The following HIP1 variants were observed in gnomAD, a reference collection of about 807,000 sequenced individuals.
HIP1 encodes huntingtin interacting protein 1, also known as huntingtin-interacting protein 1.
In HIP1, 65 loss-of-function variants were observed where a neutral mutation model predicts 147.6. The ratio of observed to expected loss-of-function variants is 0.44; its 90% CI spans 0.36 to 0.54. The LOEUF is 0.54. HIP1 is among the 20% of genes least tolerant of loss of function. The pLI is 0.00. For missense variants in HIP1, 1,061 were observed against 1,299.6 expected (o/e 0.82, Z 2.82); for synonymous variants, 479 against 504.0 (o/e 0.95, Z 0.67).
chr7:75,647,209 T>TAAA (rs1661451251), intron 1 of HIP1, among the ~76,000 whole-genome samples: 1 of 11,758 alleles, frequency 8.5e-5, no homozygotes, highest in Non-Finnish European at 1.5e-4. Flanking sequence ...CTACTAAAAA[T>TAAA]ACAAAAAAAA....
intron 9 of HIP1, among the ~76,000 whole-genome samples, chr7:75,567,156 G>T (rs1584807069): frequency 6.7e-6 from 1 of 149,156 alleles, no homozygotes; most frequent in African/African-American, 2.5e-5. Flanking sequence ...AATGGAGAGA[G>T]AAAGGTTTTT....
intron 1 of HIP1, among the ~76,000 whole-genome samples, chr7:75,669,294 A>G (rs1554515005): frequency 6.6e-6 from 1 of 152,116 alleles, no homozygotes; most frequent in East Asian, 1.9e-4. Flanking sequence ...AATGGTGTGA[A>G]CCCGGGAGGT....
intron 1 of HIP1, among the ~76,000 whole-genome samples, chr7:75,647,269 G>A (rs181139066): frequency 1.4e-5 from 2 of 142,692 alleles, no homozygotes; most frequent in Non-Finnish European, 3.0e-5. Context: ...ATGGTGGCAT[G>A]CGCCTGTAAT....
At chr7:75,646,857 G>C (rs927973502) in intron 1 of HIP1, among the ~76,000 whole-genome samples, 7 of 152,150 alleles carry the variant, frequency 4.6e-5, no homozygotes, top group African/African-American at 7.2e-5. Flanking sequence ...GTGCCACTTA[G>C]AGCCAGGAAA....
chr7:75,533,759 A>C lies in HIP1; in HGVS notation c.*4413T>G, dbSNP rs1351133678. ...TTTCCTGTTGCTTTGGCTCCTGACAACACCACGGTGTGGTGCTGATCTTGT... is the reference window on the plus strand; with the variant it reads ...TTTCCTGTTGCTTTGGCTCCTGACACCACCACGGTGTGGTGCTGATCTTGT... On this transcript the variant is annotated 3_prime_UTR_variant, in exon 31 of 31. Transcript: ENST00000336926. 4 of 232,754 alleles carry C rather than the reference A, an allele frequency of 1.7e-5. No homozygotes were observed. The highest frequency in any genetic ancestry group is 3.4e-5 in the Non-Finnish European group (4 of 117,824). The allele number at this position is 232,754 out of a possible 1,614,324, so 14.4% of individuals were successfully genotyped here. A position where few individuals can be genotyped will look rare whatever the true frequency, so the allele number is the denominator to read the frequency against.
chr7:75,714,279 A>T (rs1188603493), intron 1 of HIP1, among the ~76,000 whole-genome samples: 10 of 150,474 alleles, frequency 6.6e-5, no homozygotes, highest in Non-Finnish European at 7.4e-5. Context: ...GCCTCAGGTG[A>T]TCCTCCCACC....
chr7:75,646,259 G>A (rs1798799228), intron 1 of HIP1, among the ~76,000 whole-genome samples: 1 of 152,142 alleles, frequency 6.6e-6, no homozygotes, highest in Non-Finnish European at 1.5e-5. Flanking sequence ...TTGTGTGTGT[G>A]TATTTTTAGT....
chr7:75,560,039 G>A (rs899689214), intron 13 of HIP1, 124 bp from the exon 14 acceptor site: 7 of 942,932 alleles, frequency 7.4e-6, no homozygotes, highest in Middle Eastern at 6.7e-4. Flanking sequence ...AACTCTCCAC[G>A]TCCCAGGAGG....
At chr7:75,606,948 A>G (rs1797245969) in intron 1 of HIP1, among the ~76,000 whole-genome samples, 1 of 152,060 alleles carries the variant, frequency 6.6e-6, no homozygotes, top group South Asian at 2.1e-4. Flanking sequence ...GGCTAAGTAA[A>G]CCTGGGTGGG....
chr7:75,534,171 AT>A lies in HIP1; in HGVS notation c.*4000del, dbSNP rs1554488123. 3 of 228,698 alleles carry A rather than the reference AT, an allele frequency of 1.3e-5. No homozygotes were observed. In the East Asian group the frequency reaches 1.9e-4, roughly 14 times the overall value. 14.2% of individuals were successfully genotyped at this position (228,698 alleles called of 1,614,324 possible). A position where few individuals can be genotyped will look rare whatever the true frequency, so the allele number is the denominator to read the frequency against. On this transcript the variant is annotated 3_prime_UTR_variant, in exon 31 of 31. Transcript: ENST00000336926. ...AGCCAACTAATCTGACCGGAGCGAC[AT>A]GTACCTGTGATTCCCGTGTTACCTG...
chr7:75,537,984 G>A lies in HIP1; in HGVS notation c.*188C>T, dbSNP rs1667654694. 3.2e-6 allele frequency: 2 copies of A among 633,928 alleles called. No individual in the cohort carries two copies. The highest frequency in any genetic ancestry group is 1.8e-5 in the South Asian group (1 of 54,586). The allele number at this position is 633,928 out of a possible 1,614,324, so 39.3% of individuals were successfully genotyped here. On this transcript the variant is annotated 3_prime_UTR_variant, in exon 31 of 31. Transcript: ENST00000336926. ...GCGGGAAAAGAACAGAGATGACCAT[G>A]GGTCCAAACAGAAAGGGTGTCGCTA...
chr7:75,623,213 A>C (rs1797916276), intron 1 of HIP1, among the ~76,000 whole-genome samples: 2 of 88,590 alleles, frequency 2.3e-5, no homozygotes, highest in Non-Finnish European at 3.0e-5. Flanking sequence ...AAAAAAGCAA[A>C]AAAAAAAAAA....
chr7:75,656,077 C>T (rs1799131508), intron 1 of HIP1, among the ~76,000 whole-genome samples: 1 of 151,960 alleles, frequency 6.6e-6, no homozygotes, highest in East Asian at 1.9e-4. Flanking sequence ...CATGGTCGCG[C>T]CACTGCACTC....
At chr7:75,651,339 G>C (rs1443113358) in intron 1 of HIP1, among the ~76,000 whole-genome samples, 1 of 151,576 alleles carries the variant, frequency 6.6e-6, no homozygotes, top group Non-Finnish European at 1.5e-5. Flanking sequence ...GGCACCTATA[G>C]TCCCAGCTAC....
At chr7:75,550,554 G>A (rs992815403) in intron 22 of HIP1, among the ~76,000 whole-genome samples, 1 of 151,970 alleles carries the variant, frequency 6.6e-6, no homozygotes, top group Non-Finnish European at 1.5e-5. Flanking sequence ...CTGGGACAAC[G>A]GGCACACACC....
chr7:75,619,352 A>G (rs979112688), intron 1 of HIP1, among the ~76,000 whole-genome samples: 2 of 151,918 alleles, frequency 1.3e-5, no homozygotes, highest in Non-Finnish European at 2.9e-5. Flanking sequence ...GTGAAACCCC[A>G]TCTCTACTAA....
intron 1 of HIP1, chr7:75,639,072 C>A (rs1459102258): frequency 1.0e-6 from 1 of 984,644 alleles, no homozygotes; most frequent in African/African-American, 1.7e-5. Context: ...CATCCATGAC[C>A]GAGGCTGCGG....
chr7:75,631,199 C>A (rs1798206279), intron 1 of HIP1, among the ~76,000 whole-genome samples: 1 of 151,848 alleles, frequency 6.6e-6, no homozygotes, highest in South Asian at 2.1e-4. Flanking sequence ...GTCTTGAACT[C>A]CTGGGCTCAA....
intron 4 of HIP1, among the ~76,000 whole-genome samples, chr7:75,590,071 C>T (rs990999759): frequency 3.3e-5 from 5 of 152,122 alleles, no homozygotes; most frequent in African/African-American, 1.2e-4. Context: ...CAGTGTCAGC[C>T]ACCAGTAGGC....
Sources: allele counts gnomAD v4.1 joint callset (sites outside exome capture counted in the v4.1 genomes callset), GRCh38; gene constraint gnomAD v4.1.1; transcripts MANE v1.5; gene names NCBI Gene and HGNC (gene_info 2026-07-23, HGNC 2026-07-21).